COL18A1: variants seen among roughly 807,000 people sequenced by gnomAD.
COL18A1 encodes collagen type XVIII alpha 1 chain, also known as collagen alpha-1(XVIII) chain.
A neutral mutation model predicts 168.0 loss-of-function variants in COL18A1; 133 were observed. That is an observed-to-expected ratio of 0.79 (90% CI 0.69 to 0.91). The LOEUF is 0.91. COL18A1 is among the 40% of genes least tolerant of loss of function. The probability of loss-of-function intolerance (pLI) is 0.00; values close to 1 mark genes in which losing one functional copy is unlikely to be tolerated. For missense variants in COL18A1, 2,126 were observed against 1,925.4 expected, an observed-to-expected ratio of 1.10 and a Z score of -1.95; for synonymous variants, 949 against 809.0, an observed-to-expected ratio of 1.17 and a Z score of -2.94.
chr21:45,474,054 T>G lies in COL18A1; in HGVS notation c.738+73T>G, dbSNP rs1428693430. 2.4e-6 allele frequency: 3 copies of G among 1,269,596 alleles called. No homozygotes were observed. In the Admixed American group the frequency reaches 6.0e-5, roughly 25 times the overall value. 78.6% of individuals were successfully genotyped at this position (1,269,596 alleles called of 1,614,324 possible). On this transcript the variant is annotated intron_variant, in intron 4 of 41. Coordinates refer to ENST00000651438, the MANE Select transcript of COL18A1 (RefSeq NM_001379500.1). ...ACGCGGAGTTCAGGGCCAAGGTCTA[T>G]GACAGGAAAAGTCCCAAAATATACC...
In COL18A1 at chr21:45,507,063, G is replaced by A. The variant is rs879414889; in HGVS notation, c.3217-498G>A. ...GATGGCATCCTAGCAAACGCGTGCT[G>A]GGAGGGCTGGGTGCTGGGCAGGGAG... On this transcript the variant is annotated intron_variant, in intron 37 of 41. Coordinates refer to ENST00000651438, the MANE Select transcript of COL18A1 (RefSeq NM_001379500.1). 288 of 337,344 alleles carry A rather than the reference G, an allele frequency of 8.5e-4. 1 individual carries two copies. Among genetic ancestry groups the A allele is most frequent in the Admixed American group, 1.7e-3 (42 of 24,536 alleles). The allele number at this position is 337,344 out of a possible 1,614,324, so 20.9% of individuals were successfully genotyped here.
At position 45,475,746 on chromosome 21, in the gene COL18A1, G is replaced by A. The variant is rs974744669; in HGVS notation, c.798+211G>A. ...CGCTCCGGCCCTGCCTGGCCGCCGC[G>A]TGTCTCTGGTGAGAGGATATTCCTT... On this transcript the variant is annotated intron_variant, in intron 5 of 41. Transcript: ENST00000651438. 5.2e-5 allele frequency among the ~76,000 whole-genome samples: 5 copies of A among 96,264 alleles called. No homozygotes were observed. In the South Asian group the frequency reaches 1.1e-3, roughly 21 times the overall value. The allele number at this position is 96,264 out of a possible 152,430, so 63.2% of individuals were successfully genotyped here. A position where few individuals can be genotyped will look rare whatever the true frequency, so the allele number is the denominator to read the frequency against.
chr21:45,405,298 C>CCTGCGGGGGTCCT (rs1461390052), intron 1 of COL18A1, 57 bp downstream of exon 1: 38 of 521,976 alleles, frequency 7.3e-5, no homozygotes, highest in African/African-American at 7.0e-4. Flanking sequence ...CTGCGGGGGT[C>CCTGCGGGGGTCCT]GCGGGGGTCG....
chr21:45,409,585 C>T (rs766777959), intron 2 of COL18A1, among the ~76,000 whole-genome samples: 14 of 152,144 alleles, frequency 9.2e-5, no homozygotes, highest in African/African-American at 2.4e-4. Context: ...CAGCACTGGG[C>T]GGTCACAGGC....
At chr21:45,433,453 G>A (rs917144897) in intron 2 of COL18A1, among the ~76,000 whole-genome samples, 5 of 152,180 alleles carry the variant, frequency 3.3e-5, no homozygotes, top group Admixed American at 2.6e-4. Flanking sequence ...TGGAAGGTGA[G>A]CAGGGCCACA....
At chr21:45,416,342 A>G (rs2033443438) in intron 2 of COL18A1, among the ~76,000 whole-genome samples, 1 of 151,956 alleles carries the variant, frequency 6.6e-6, no homozygotes, top group Admixed American at 6.6e-5. Context: ...GTCCTTTGTG[A>G]ACTGGGGCCG....
At chr21:45,445,405 G>C (rs571520928) in intron 2 of COL18A1, among the ~76,000 whole-genome samples, 25 of 152,338 alleles carry the variant, frequency 1.6e-4, no homozygotes, top group Non-Finnish European at 2.6e-4. Context: ...GTGATGAACG[G>C]TGCTGTTGTG....
intron 11 of COL18A1, 122 bp downstream of exon 11, chr21:45,480,278 AG>A: frequency 1.0e-5 from 12 of 1,180,336 alleles, no homozygotes; most frequent in Non-Finnish European, 1.4e-5. Context: ...GGCTGAGCTG[AG>A]GGGTCACAGG....
intron 2 of COL18A1, chr21:45,456,218 T>C (rs1208664066): frequency 6.2e-7 from 1 of 1,606,040 alleles, no homozygotes; most frequent in Admixed American, 1.7e-5. Context: ...GGCCCCTCCC[T>C]GGGGAAGCCT....
chr21:45,504,982 G>A (rs2037103954), intron 34 of COL18A1, 152 bp from the exon 35 acceptor site: 2 of 961,626 alleles, frequency 2.1e-6, no homozygotes, highest in Middle Eastern at 2.2e-4. Context: ...TGGTGTGGGG[G>A]TTTCTCAGGC....
intron 4 of COL18A1, among the ~76,000 whole-genome samples, chr21:45,474,803 G>GGCGTGGACCCACAGCCTCGCT (rs1568899770): frequency 6.8e-6 from 1 of 146,948 alleles, no homozygotes; most frequent in African/African-American, 2.5e-5. Flanking sequence ...AGACACCGTG[G>GGCGTGGACCCACAGCCTCGCT]CTGGACTGTG....
chr21:45,508,240 G>A (rs1483124557), intron 38 of COL18A1, among the ~76,000 whole-genome samples: 1 of 148,978 alleles, frequency 6.7e-6, no homozygotes, highest in Non-Finnish European at 1.5e-5. Context: ...TGGGTAAGTG[G>A]GTGAGTGGAT....
intron 13 of COL18A1, among the ~76,000 whole-genome samples, chr21:45,481,468 C>T (rs1399539156): frequency 1.3e-5 from 2 of 152,162 alleles, no homozygotes; most frequent in Non-Finnish European, 2.9e-5. Flanking sequence ...ACGTGCAGGG[C>T]AGGGAGTGTG....
intron 32 of COL18A1, among the ~76,000 whole-genome samples, chr21:45,500,532 T>TG (rs1568933936): frequency 2.1e-5 from 1 of 46,552 alleles, no homozygotes; most frequent in Non-Finnish European, 3.9e-5. Context: ...GTTGGGTGTG[T>TG]AGGGTGTGGT....
intron 5 of COL18A1, among the ~76,000 whole-genome samples, chr21:45,475,753 T>G (rs1254202972): frequency 1.3e-5 from 2 of 152,076 alleles, no homozygotes; most frequent in Non-Finnish European, 2.9e-5. Flanking sequence ...CGCGTGTCTC[T>G]GGTGAGAGGA....
At position 45,475,524 on chromosome 21, in the gene COL18A1, A is replaced by G. The variant is rs767501139; in HGVS notation, c.787A>G (p.Arg263Gly). The G allele has an allele frequency of 1.1e-5, 17 of 1,606,694 alleles. No individual in the cohort carries two copies. The highest frequency in any genetic ancestry group is 4.5e-5 in the South Asian group (4 of 89,840). The change falls in exon 5 of 42, where the codon AGG becomes GGG. Residue 263 changes from arginine to glycine, a missense_variant. Physicochemically the swap from Arg to Gly is moderately radical, Grantham distance 125. Coordinates refer to ENST00000651438, the MANE Select transcript of COL18A1 (RefSeq NM_001379500.1). The part of the protein sequence containing the change: ...SGLGDARELL[R>G]EETGAALKPR... ...GCTCGGGGACGCCCGGGAGCTTCTC[A>G]GGGAGGAGACGGTGAGTAGCCGGAC...
chr21:45,448,740 C>T (rs1006025101), intron 2 of COL18A1, among the ~76,000 whole-genome samples: 4 of 152,274 alleles, frequency 2.6e-5, no homozygotes, highest in Non-Finnish European at 5.9e-5. Context: ...TTCAGATGCG[C>T]TCCATAATGT....
At chr21:45,501,946 C>CGGA (rs1568936323) in intron 32 of COL18A1, among the ~76,000 whole-genome samples, 14 of 87,440 alleles carry the variant, frequency 1.6e-4, no homozygotes, top group Admixed American at 3.6e-4. Context: ...CAGAAGGACC[C>CGGA]TCAGGGGCCT....
chr21:45,414,301 A>C (rs1180835579), intron 2 of COL18A1, among the ~76,000 whole-genome samples: 1 of 152,194 alleles, frequency 6.6e-6, no homozygotes, highest in Non-Finnish European at 1.5e-5. Flanking sequence ...TCGGGGGCAC[A>C]TCTTGATGCG....
Sources: gnomAD v4.1 joint callset for allele counts (sites outside exome capture counted in the v4.1 genomes callset) on GRCh38, gnomAD v4.1.1 for gene constraint, MANE v1.5 for transcripts, NCBI Gene and HGNC (gene_info 2026-07-23, HGNC 2026-07-21) for gene names.